RAD21: variants seen among roughly 807,000 people sequenced by gnomAD.
RAD21 encodes the protein RAD21 cohesin complex component.
Under a neutral mutation model 71.5 loss-of-function variants are expected in RAD21, and 18 were observed. The ratio of observed to expected loss-of-function variants is 0.25; its 90% CI spans 0.17 to 0.37. The LOEUF (loss-of-function observed/expected upper bound fraction) is 0.37. Ranked by LOEUF, RAD21 falls within the 10% of genes least tolerant of loss-of-function variation. RAD21 has a pLI of 1.00. For missense variants in RAD21, 493 were observed against 769.1 expected, an observed-to-expected ratio of 0.64 and a Z score of 4.25; for synonymous variants, 248 against 254.0, an observed-to-expected ratio of 0.98 and a Z score of 0.22.
At position 116,854,437 on chromosome 8, in the gene RAD21, C is replaced by T. The variant is rs778800442; in HGVS notation, c.969G>A (p.Lys323=). Residue 323 remains lysine, a synonymous_variant, in exon 9 of 14, where the codon AAG becomes AAA. Coordinates refer to ENST00000297338, the MANE Select transcript of RAD21 (RefSeq NM_006265.3). ...VKETKAKRKR[K]LIVDSVKELD... ...ACTCTTTGACACTGTCAACAATTAG[C>T]TTCCTCTTCCTCTTGGCTTTTGTTT... 6.2e-7 allele frequency: 1 copy of T among 1,613,510 alleles called. No homozygotes were observed. The highest frequency in any genetic ancestry group is 1.1e-5 in the South Asian group (1 of 91,046).
chr8:116,868,994 T>C (rs1345185828), intron 1 of RAD21, among the ~76,000 whole-genome samples: 2 of 151,960 alleles, frequency 1.3e-5, no homozygotes, highest in Non-Finnish European at 2.9e-5. Context: ...TCACACATTA[T>C]ATAAAAATTC....
chr8:116,851,138 T>G (rs192761676), intron 11 of RAD21: 1 of 155,440 alleles, frequency 6.4e-6, no homozygotes, highest in East Asian at 1.9e-4. Context: ...ATAATAGGAG[T>G]GAGGACATTG....
intron 2 of RAD21, among the ~76,000 whole-genome samples, chr8:116,866,031 C>T (rs908271520): frequency 5.9e-5 from 9 of 152,064 alleles, no homozygotes; most frequent in African/African-American, 2.2e-4. Flanking sequence ...TGGCATTTAA[C>T]TATTATACTA....
At chr8:116,851,792 TG>T in intron 11 of RAD21, 155 bp downstream of exon 11, 1 of 626,384 alleles carries the variant, frequency 1.6e-6, no homozygotes, top group Non-Finnish European at 2.6e-6. Context: ...TCACTCCGAG[TG>T]GACTGTCTAT....
chr8:116,868,661 T>C (rs969468850), intron 1 of RAD21, among the ~76,000 whole-genome samples: 4 of 152,150 alleles, frequency 2.6e-5, no homozygotes, highest in African/African-American at 7.2e-5. Context: ...GCTAAAACTA[T>C]TTTGAAAAAT....
intron 1 of RAD21, among the ~76,000 whole-genome samples, chr8:116,872,424 G>A (rs183800757): frequency 7.0e-4 from 107 of 152,166 alleles, no homozygotes; most frequent in African/African-American, 2.5e-3. Context: ...TCTTGAATAA[G>A]CTTAAAATAC....
chr8:116,874,504 C>T, intron 1 of RAD21, 107 bp downstream of exon 1: 1 of 246,068 alleles, frequency 4.1e-6, no homozygotes, highest in East Asian at 1.7e-4. Flanking sequence ...GCTGCCTTCT[C>T]CCTCGCCCTC....
Position 116,852,103 on chromosome 8 carries a change from T to G in RAD21, c.1322-7A>C. On this transcript the variant is annotated splice_region_variant and splice_polypyrimidine_tract_variant and intron_variant, in intron 10 of 13. Transcript: ENST00000297338. Reference sequence around the variant, plus strand: ...TCTTCAATAATGGGCTCATCTGCAATTGGTCATATGAAGAGAAAACATAGG... The same window carrying G: ...TCTTCAATAATGGGCTCATCTGCAAGTGGTCATATGAAGAGAAAACATAGG... 6.3e-7 allele frequency: 1 copy of G among 1,597,350 alleles called. No homozygotes were observed. Among genetic ancestry groups the G allele is most frequent in the East Asian group, 2.2e-5 (1 of 44,458 alleles).
chr8:116,849,180 G>A (rs1423014806), intron 12 of RAD21, 151 bp from the exon 13 acceptor site: 5 of 519,490 alleles, frequency 9.6e-6, no homozygotes, highest in East Asian at 3.1e-5. Flanking sequence ...CAATCACTTA[G>A]CATTTAGAGT....
chr8:116,868,715 G>T (rs1175090548), intron 1 of RAD21, among the ~76,000 whole-genome samples: 1 of 151,864 alleles, frequency 6.6e-6, no homozygotes, highest in Admixed American at 6.6e-5. Context: ...TTACTATATA[G>T]CTATAATACT....
chr8:116,850,955 G>A, intron 11 of RAD21, 188 bp from the exon 12 acceptor site: 1 of 394,908 alleles, frequency 2.5e-6, no homozygotes, highest in Non-Finnish European at 4.5e-6. Flanking sequence ...AAACTACATT[G>A]AAGTAGCTTA....
chr8:116,856,744 C>A lies in RAD21; in HGVS notation c.716G>T (p.Gly239Val). The change falls in exon 7 of 14, where the codon GGC (glycine) becomes GTC (valine). Residue 239 changes from glycine to valine, a missense_variant. Physicochemically the swap from Gly to Val is moderately radical, Grantham distance 109. Around this residue, in one of 5 missense-constraint regions of RAD21, gnomAD observed 165 missense variants for 229.6 expected, o/e 0.72. Coordinates refer to ENST00000297338, the MANE Select transcript of RAD21 (RefSeq NM_006265.3). ...LDDKLISNND[G>V]GIFDDPPALS... ...GGCAGGGGGATCATCAAAGATACCG[C>A]CATCATTATTACTAATAAGTTTGTC... 1 of 1,548,668 alleles carries A rather than the reference C, an allele frequency of 6.5e-7. No individual in the cohort carries two copies. Among genetic ancestry groups the A allele is most frequent in the Non-Finnish European group, 8.7e-7 (1 of 1,146,538 alleles).
chr8:116,858,641 T>C (rs905537869), intron 4 of RAD21, among the ~76,000 whole-genome samples, 183 bp from the exon 5 acceptor site: 1 of 152,198 alleles, frequency 6.6e-6, no homozygotes, highest in African/African-American at 2.4e-5. Context: ...ATTTGGAAAT[T>C]AACTTGTATT....
chr8:116,850,927 CTTTT>C (rs921530344), intron 11 of RAD21, 160 bp from the exon 12 acceptor site: 6 of 440,826 alleles, frequency 1.4e-5, no homozygotes, highest in African/African-American at 1.2e-4. Context: ...CAGTATATAT[CTTTT>C]TTGATTTTTT....
At chr8:116,872,848 C>A (rs983579258) in intron 1 of RAD21, among the ~76,000 whole-genome samples, 2 of 152,184 alleles carry the variant, frequency 1.3e-5, no homozygotes, top group African/African-American at 4.8e-5. Flanking sequence ...CACTAGAAAT[C>A]TCCTCTGTTT....
At chr8:116,863,666 T>C (rs1377411794) in intron 2 of RAD21, among the ~76,000 whole-genome samples, 5 of 152,214 alleles carry the variant, frequency 3.3e-5, no homozygotes, top group Admixed American at 1.3e-4. Context: ...GTTCAGCCAA[T>C]TGAGTAATAG....
At chr8:116,866,525 T>C in intron 2 of RAD21, 61 bp downstream of exon 2, 1 of 1,513,092 alleles carries the variant, frequency 6.6e-7, no homozygotes, top group Non-Finnish European at 8.9e-7. Context: ...TTTTAGAAGT[T>C]CTATTTCACA....
chr8:116,851,372 C>T, intron 11 of RAD21: 1 of 152,260 alleles, frequency 6.6e-6, no homozygotes, highest in Non-Finnish European at 1.5e-5. Context: ...TTAAAATTGG[C>T]AGAGTATTCT....
At position 116,858,257 on chromosome 8, in the gene RAD21, G is replaced by A. The variant is rs567680084; in HGVS notation, c.481+95C>T. 2.2e-5 allele frequency: 20 copies of A among 900,516 alleles called. No individual in the cohort carries two copies. The Admixed American group carries it at 3.2e-4, about 14-fold the overall frequency. The allele number at this position is 900,516 out of a possible 1,614,324, so 55.8% of individuals were successfully genotyped here. On this transcript the variant is annotated intron_variant, in intron 5 of 13. Transcript: ENST00000297338. ...GAAAATGCATTACATGAAATTTTAAGTCTTTCTGTCTATAGTCTGGTTTTC... is the reference window on the plus strand; with the variant it reads ...GAAAATGCATTACATGAAATTTTAAATCTTTCTGTCTATAGTCTGGTTTTC...
Sources: allele counts gnomAD v4.1 joint callset (sites outside exome capture counted in the v4.1 genomes callset), GRCh38; gene constraint gnomAD v4.1.1; regional missense constraint gnomAD v4.1.1; transcripts MANE v1.5; gene names NCBI Gene and HGNC (gene_info 2026-07-23, HGNC 2026-07-21).